HIRA: variants seen among roughly 807,000 people sequenced by gnomAD.
HIRA encodes the protein protein HIRA.
A neutral mutation model predicts 126.6 loss-of-function variants in HIRA; 13 were observed. That is an observed-to-expected ratio of 0.10 (90% CI 0.07 to 0.16). HIRA has a LOEUF of 0.16. HIRA is among the 10% of genes least tolerant of loss of function. HIRA has a pLI of 1.00. For missense variants in HIRA, 834 were observed against 1,314.4 expected (o/e 0.63, Z 5.65); for synonymous variants, 511 against 520.0 (o/e 0.98, Z 0.24).
rs970763108 is a variant in HIRA at position 19,402,942 on chromosome 22, C to T, written c.397+2844G>A. Reference sequence around the variant, plus strand: ...GCAACATAGTGAAACCCCATCTCTACGAAAAAAAAAATCAGCCAGGTATGG... The same window carrying T: ...GCAACATAGTGAAACCCCATCTCTATGAAAAAAAAAATCAGCCAGGTATGG... On this transcript the variant is annotated intron_variant, in intron 5 of 24. Transcript: ENST00000263208. Among the ~76,000 whole-genome samples the T allele has an allele frequency of 2.0e-5, 3 of 149,982 alleles. No homozygotes were observed. In the East Asian group the frequency reaches 5.9e-4, roughly 29 times the overall value.
intron 24 of HIRA, among the ~76,000 whole-genome samples, chr22:19,347,054 G>A (rs149006468): frequency 6.6e-6 from 1 of 152,274 alleles, no homozygotes; most frequent in African/African-American, 2.4e-5. Context: ...GAGCTTTGGC[G>A]GGCATCTTGG....
At chr22:19,386,792 T>C (rs139778652) in intron 11 of HIRA, among the ~76,000 whole-genome samples, 1 of 152,192 alleles carries the variant, frequency 6.6e-6, no homozygotes, top group African/African-American at 2.4e-5. Context: ...AGTGACAAGG[T>C]TGGAGGAGGA....
intron 1 of HIRA, among the ~76,000 whole-genome samples, chr22:19,423,772 A>G (rs2089468125): frequency 6.6e-6 from 1 of 152,158 alleles, no homozygotes; most frequent in Non-Finnish European, 1.5e-5. Context: ...AGGAGCAACA[A>G]ATGTTAATCT....
At chr22:19,357,249 G>A (rs1380225241) in intron 18 of HIRA, among the ~76,000 whole-genome samples, 198 bp from the exon 19 acceptor site, 1 of 152,216 alleles carries the variant, frequency 6.6e-6, no homozygotes, top group Non-Finnish European at 1.5e-5. Context: ...TTGGATGAAA[G>A]AGGCTTCTGT....
At chr22:19,373,872 G>C (rs1689470812) in intron 15 of HIRA, among the ~76,000 whole-genome samples, 3 of 152,042 alleles carry the variant, frequency 2.0e-5, no homozygotes, top group Admixed American at 2.0e-4. Context: ...TAAAACTCAA[G>C]GTCCTCAGTC....
intron 24 of HIRA, among the ~76,000 whole-genome samples, chr22:19,333,826 T>C (rs897321254): frequency 5.3e-5 from 8 of 152,204 alleles, no homozygotes; most frequent in African/African-American, 1.9e-4. Flanking sequence ...ATGACCTGTT[T>C]TCAAGTTTGC....
chr22:19,376,871 A>C (rs1273474447), intron 14 of HIRA, among the ~76,000 whole-genome samples: 1 of 152,196 alleles, frequency 6.6e-6, no homozygotes, highest in Non-Finnish European at 1.5e-5. Context: ...AATCGCTCTG[A>C]CGGTATCAGC....
At chr22:19,363,245 A>G (rs891796211) in intron 15 of HIRA, among the ~76,000 whole-genome samples, 3 of 150,676 alleles carry the variant, frequency 2.0e-5, no homozygotes, top group African/African-American at 7.3e-5. Context: ...AAAAAAAAAC[A>G]AAAAAAACAA....
chr22:19,425,318 T>C (rs2089480456), intron 1 of HIRA, among the ~76,000 whole-genome samples: 1 of 152,174 alleles, frequency 6.6e-6, no homozygotes, highest in African/African-American at 2.4e-5. Context: ...TTGCATAAAT[T>C]TTTGGTCCCC....
In HIRA at chr22:19,388,573, T is replaced by C; in HGVS notation, c.937-19A>G. On this transcript the variant is annotated intron_variant, in intron 9 of 24. Coordinates refer to ENST00000263208, the MANE Select transcript of HIRA (RefSeq NM_003325.4). ...ATGTGAGCTGGAAGGAAAGACACAG[T>C]CAAGGTTAATGAAATTACTGAAATC... 1 of 1,600,362 alleles carries C rather than the reference T, an allele frequency of 6.2e-7. No homozygotes were observed.
intron 1 of HIRA, among the ~76,000 whole-genome samples, chr22:19,412,228 G>A (rs1014349874): frequency 6.6e-5 from 10 of 152,144 alleles, no homozygotes; most frequent in African/African-American, 2.4e-4. Flanking sequence ...AGAGGCCCAA[G>A]CTGGCCACAT....
chr22:19,357,777 T>G (rs1406767499), intron 18 of HIRA, among the ~76,000 whole-genome samples: 3 of 152,154 alleles, frequency 2.0e-5, no homozygotes, highest in African/African-American at 7.2e-5. Context: ...CCCTGCTTTG[T>G]GTCACTTCTA....
chr22:19,405,730 G>T, intron 5 of HIRA, 56 bp downstream of exon 5: 1 of 1,241,938 alleles, frequency 8.1e-7, no homozygotes, highest in Non-Finnish European at 1.1e-6. Flanking sequence ...TGGCGGTGCT[G>T]CTGATCTGAG....
chr22:19,349,527 T>C (rs2088731270), intron 24 of HIRA, among the ~76,000 whole-genome samples: 1 of 152,216 alleles, frequency 6.6e-6, no homozygotes, highest in East Asian at 1.9e-4. Context: ...TTCTACAGAA[T>C]GAATGAGCTT....
At chr22:19,406,175 C>A (rs1050015374) in intron 4 of HIRA, among the ~76,000 whole-genome samples, 4 of 152,086 alleles carry the variant, frequency 2.6e-5, no homozygotes, top group Admixed American at 2.0e-4. Context: ...GGAAAAAAAA[C>A]CACATGACAT....
At chr22:19,393,380 C>T (rs987373116) in intron 8 of HIRA, among the ~76,000 whole-genome samples, 10 of 151,746 alleles carry the variant, frequency 6.6e-5, no homozygotes, top group East Asian at 1.9e-4. Flanking sequence ...ATTTTTGAGA[C>T]GGAGTCTCGC....
chr22:19,392,758 C>G (rs573431140), intron 8 of HIRA, among the ~76,000 whole-genome samples: 1 of 152,214 alleles, frequency 6.6e-6, no homozygotes, highest in Non-Finnish European at 1.5e-5. Flanking sequence ...TTTGTGATCT[C>G]CCTGGGCCAG....
In HIRA at chr22:19,331,979, G is replaced by T. The variant is rs1314679107; in HGVS notation, c.2938-423C>A. Among the ~76,000 whole-genome samples the T allele has an allele frequency of 3.3e-5, 5 of 152,338 alleles. No homozygotes were observed. In the South Asian group the frequency reaches 8.3e-4, roughly 25 times the overall value. ...AGCCCCAGGGCAAGGATGCACCTGG[G>T]GGGCAGTGACTGGCTTTAGTTTTCC... On this transcript the variant is annotated intron_variant, in intron 24 of 24. Transcript: ENST00000263208.
intron 15 of HIRA, among the ~76,000 whole-genome samples, chr22:19,363,191 G>C (rs1292420519): frequency 6.7e-6 from 1 of 150,094 alleles, no homozygotes; most frequent in East Asian, 2.0e-4. Context: ...TCAAGATCGT[G>C]CCACTGCACT....
Sources: allele counts gnomAD v4.1 joint callset (sites outside exome capture counted in the v4.1 genomes callset), GRCh38; gene constraint gnomAD v4.1.1; transcripts MANE v1.5; gene names NCBI Gene and HGNC (gene_info 2026-07-23, HGNC 2026-07-21).